Variants in MOCOS observed in about 807,000 individuals in gnomAD.
MOCOS encodes the protein molybdenum cofactor sulfurase.
MOCOS carries 86 observed loss-of-function variants against 83.6 expected under a neutral mutation model. The observed-to-expected ratio is 1.03, with a 90% CI of 0.86 to 1.23. The LOEUF is 1.23. Ranked by LOEUF, MOCOS falls within the 50% of genes most tolerant of loss-of-function variation. The pLI is 0.00. For synonymous variants in MOCOS, 445 were observed against 434.7 expected (o/e 1.02, Z -0.29); for missense variants, 1,120 against 1,126.9 (o/e 0.99, Z 0.09).
intron 2 of MOCOS, among the ~76,000 whole-genome samples, chr18:36,196,740 G>A (rs561568374): frequency 7.4e-4 from 113 of 152,056 alleles, no homozygotes; most frequent in Non-Finnish European, 1.4e-3. Context: ...GAGATTGCAG[G>A]TGGTGGTAAT....
chr18:36,228,125 T>C (rs2091524555), intron 9 of MOCOS, among the ~76,000 whole-genome samples: 1 of 152,118 alleles, frequency 6.6e-6, no homozygotes, highest in South Asian at 2.1e-4. Context: ...AAAACCACAA[T>C]GAGATATCAT....
At chr18:36,190,890 AG>A (rs2091362320) in intron 1 of MOCOS, among the ~76,000 whole-genome samples, 1 of 151,970 alleles carries the variant, frequency 6.6e-6, no homozygotes, top group Non-Finnish European at 1.5e-5. Context: ...TAAAAAAATT[AG>A]CCCGGTGTGG....
At chr18:36,193,569 C>A (rs2091375303) in intron 1 of MOCOS, among the ~76,000 whole-genome samples, 1 of 152,036 alleles carries the variant, frequency 6.6e-6, no homozygotes, top group African/African-American at 2.4e-5. Context: ...CTACCTCATT[C>A]TGCATTCAAA....
At chr18:36,206,903 T>A (rs1006729432) in intron 6 of MOCOS, among the ~76,000 whole-genome samples, 1 of 152,220 alleles carries the variant, frequency 6.6e-6, no homozygotes, top group South Asian at 2.1e-4. Context: ...TATAGGTTGA[T>A]TCCATGTCCT....
chr18:36,246,732 CCTT>C lies in MOCOS; in HGVS notation c.1961-2186_1961-2184del, dbSNP rs1327996052. Among the ~76,000 whole-genome samples, 5 of 152,330 alleles carry C rather than the reference CCTT, an allele frequency of 3.3e-5. No homozygotes were observed. In the East Asian group the frequency reaches 9.7e-4, roughly 29 times the overall value. ...GTGGTGAAATTAGCTGTTGTTTTCTCCTTCTTTGGAGCAGAGTTGTTCTCTTAT... is the reference window on the plus strand; with the variant it reads ...GTGGTGAAATTAGCTGTTGTTTTCTCCTTTGGAGCAGAGTTGTTCTCTTAT... On this transcript the variant is annotated intron_variant, in intron 9 of 14. Transcript: ENST00000261326.
intron 10 of MOCOS, among the ~76,000 whole-genome samples, chr18:36,249,888 G>T (rs1325469546): frequency 6.6e-6 from 1 of 152,104 alleles, no homozygotes; most frequent in African/African-American, 2.4e-5. Context: ...CCCATATTAT[G>T]GGTTATTATC....
At chr18:36,233,693 C>T (rs1459255320) in intron 9 of MOCOS, among the ~76,000 whole-genome samples, 2 of 152,122 alleles carry the variant, frequency 1.3e-5, no homozygotes, top group Non-Finnish European at 2.9e-5. Context: ...TCTATGCCAG[C>T]ATCGATTATT....
intron 8 of MOCOS, among the ~76,000 whole-genome samples, chr18:36,217,733 A>G (rs1044405380): frequency 6.6e-6 from 1 of 152,228 alleles, no homozygotes; most frequent in Admixed American, 6.5e-5. Context: ...AAAGGTTCAA[A>G]GAAGAAACGA....
At chr18:36,229,048 T>C (rs2091528408) in intron 9 of MOCOS, among the ~76,000 whole-genome samples, 1 of 152,186 alleles carries the variant, frequency 6.6e-6, no homozygotes, top group South Asian at 2.1e-4. Context: ...GTAGCTATTT[T>C]AAATATTTTT....
Position 36,215,891 on chromosome 18 carries a change from G to C in MOCOS, c.1711G>C (p.Ala571Pro). The change falls in exon 8 of 15, where the codon GCT (alanine) becomes CCT (proline). Residue 571 changes from alanine (A) to proline (P), a missense_variant. By Grantham distance (27) the Ala-to-Pro change is conservative. Transcript: ENST00000261326. ...ARTQPTPSEK[A>P]AGVLEGALGP... ...AACCCAGCCGACTCCTTCAGAGAAA[G>C]CTGCAGGAGTCCTGGAGGGGGCCCT... 6.2e-7 allele frequency: 1 copy of C among 1,614,096 alleles called. No individual in the cohort carries two copies. Among genetic ancestry groups the C allele is most frequent in the Non-Finnish European group, 8.5e-7 (1 of 1,179,932 alleles).
At chr18:36,204,398 T>A (rs911442434) in intron 5 of MOCOS, among the ~76,000 whole-genome samples, 5 of 152,208 alleles carry the variant, frequency 3.3e-5, no homozygotes, top group Admixed American at 3.3e-4. Context: ...TATTCTTCAT[T>A]GCTTTGTGTA....
chr18:36,200,469 C>A, intron 4 of MOCOS, 145 bp downstream of exon 4: 2 of 1,065,230 alleles, frequency 1.9e-6, no homozygotes, highest in Non-Finnish European at 1.3e-6. Flanking sequence ...GATGGCAGGG[C>A]TCAGATCTGG....
chr18:36,251,496 C>T lies in MOCOS; in HGVS notation c.2164+213C>T, dbSNP rs35734714. 0.1 allele frequency among the ~76,000 whole-genome samples: 15,691 copies of T among 152,126 alleles called. 978 individuals are homozygous for T. Among genetic ancestry groups the T allele is most frequent in the Non-Finnish European group, 0.14 (9,531 of 67,978 alleles). On this transcript the variant is annotated intron_variant, in intron 11 of 14. Coordinates refer to ENST00000261326, the MANE Select transcript of MOCOS (RefSeq NM_017947.4). The stretch of plus-strand genomic sequence containing the variant: ...TAAGGAGGCTGAGGAGGGCATAAAG[C>T]CAGCTGTCCAGCCTCTGCCCAAACA...
intron 9 of MOCOS, among the ~76,000 whole-genome samples, chr18:36,242,369 C>T (rs1042822916): frequency 6.6e-6 from 1 of 152,216 alleles, no homozygotes; most frequent in Non-Finnish European, 1.5e-5. Flanking sequence ...TCACTGTCCA[C>T]ATCACTATCG....
chr18:36,203,543 C>T (rs1568050904), intron 5 of MOCOS, among the ~76,000 whole-genome samples: 1 of 152,188 alleles, frequency 6.6e-6, no homozygotes. Flanking sequence ...CTCCCCACTG[C>T]CCCACGGGGG....
chr18:36,187,695 G>A lies in MOCOS; in HGVS notation c.142+14G>A. 1 of 1,265,502 alleles carries A rather than the reference G, an allele frequency of 7.9e-7. No individual in the cohort carries two copies. Among genetic ancestry groups the A allele is most frequent in the East Asian group, 2.9e-5 (1 of 34,056 alleles). 78.4% of individuals were successfully genotyped at this position (1,265,502 alleles called of 1,614,324 possible). The stretch of plus-strand genomic sequence containing the variant: ...GCCGCCTGGCAGGTGAGGCGGGCGG[G>A]CAGGCTTGGGGGACACGAGGTTTCT... On this transcript the variant is annotated intron_variant, in intron 1 of 14. Transcript: ENST00000261326.
intron 9 of MOCOS, among the ~76,000 whole-genome samples, chr18:36,247,927 C>A (rs1460866320): frequency 6.6e-6 from 1 of 152,192 alleles, no homozygotes; most frequent in East Asian, 1.9e-4. Flanking sequence ...ATCCACTGTT[C>A]TTTTTTTCCT....
chr18:36,234,464 G>T (rs1367150272), intron 9 of MOCOS, among the ~76,000 whole-genome samples: 3 of 152,120 alleles, frequency 2.0e-5, no homozygotes, highest in Non-Finnish European at 2.9e-5. Context: ...TGGGTAATGT[G>T]ATGCCTTCAG....
chr18:36,226,186 T>A (rs1029437548), intron 9 of MOCOS, among the ~76,000 whole-genome samples: 1 of 152,190 alleles, frequency 6.6e-6, no homozygotes, highest in Non-Finnish European at 1.5e-5. Flanking sequence ...TTGCTTTATG[T>A]ATTTAGGTGC....
Sources: gnomAD v4.1 joint callset for allele counts (sites outside exome capture counted in the v4.1 genomes callset) on GRCh38, gnomAD v4.1.1 for gene constraint, MANE v1.5 for transcripts, NCBI Gene and HGNC (gene_info 2026-07-23, HGNC 2026-07-21) for gene names.